The following COL6A6 variants were observed in gnomAD, a reference collection of about 807,000 sequenced individuals.
The protein encoded by COL6A6 is collagen alpha-6(VI) chain.
In COL6A6, 183 loss-of-function variants were observed where a neutral mutation model predicts 208.6. The ratio of observed to expected loss-of-function variants is 0.88; its 90% CI spans 0.78 to 0.99. The LOEUF (loss-of-function observed/expected upper bound fraction) is 0.99, where lower values mean the gene tolerates loss of function less well. COL6A6 is among the 50% of genes least tolerant of loss of function. The pLI, the probability that COL6A6 is intolerant of heterozygous loss-of-function variation, is 0.00. For synonymous variants in COL6A6, 973 were observed against 1,011.8 expected (o/e 0.96, Z 0.73); for missense variants, 2,816 against 2,815.2 (o/e 1.00, Z -0.01).
intron 12 of COL6A6, 39 bp from the exon 13 acceptor site, chr3:130,591,002 C>A (rs772787260): frequency 7.4e-6 from 11 of 1,491,486 alleles, no homozygotes; most frequent in Admixed American, 2.0e-5. Context: ...GATTTTTGGT[C>A]CATAGATGCA....
chr3:130,599,252 CAT>C (rs561926903), intron 19 of COL6A6, among the ~76,000 whole-genome samples: 135 of 152,256 alleles, frequency 8.9e-4, no homozygotes, highest in Non-Finnish European at 1.6e-3. Context: ...ATAGAAGACT[CAT>C]AAATTATTGC....
At chr3:130,575,952 T>C (rs988070400) in intron 8 of COL6A6, among the ~76,000 whole-genome samples, 1 of 152,134 alleles carries the variant, frequency 6.6e-6, no homozygotes, top group Non-Finnish European at 1.5e-5. Context: ...CTTATGCCTT[T>C]CTCAGCCTCT....
At chr3:130,555,340 C>T (rs1202135578) in intron 1 of COL6A6, among the ~76,000 whole-genome samples, 1 of 152,148 alleles carries the variant, frequency 6.6e-6, no homozygotes, top group Non-Finnish European at 1.5e-5. Flanking sequence ...GTGTGGTAGT[C>T]CCATGCGTGG....
intron 23 of COL6A6, among the ~76,000 whole-genome samples, chr3:130,617,297 A>G (rs1406083393): frequency 6.6e-6 from 1 of 152,192 alleles, no homozygotes; most frequent in Non-Finnish European, 1.5e-5. Flanking sequence ...TCATACAAAC[A>G]AACAATTGAC....
intron 20 of COL6A6, among the ~76,000 whole-genome samples, chr3:130,605,476 A>G (rs1011595841): frequency 2.6e-5 from 4 of 151,830 alleles, no homozygotes; most frequent in African/African-American, 9.7e-5. Context: ...CTATTTGTCA[A>G]ATGGAAATAT....
At chr3:130,657,243 G>A (rs760708351) in intron 33 of COL6A6, among the ~76,000 whole-genome samples, 6 of 152,234 alleles carry the variant, frequency 3.9e-5, no homozygotes, top group Non-Finnish European at 7.3e-5. Context: ...ACTGTACTCA[G>A]GTAGCATGAA....
chr3:130,547,657 T>C (rs564379902), intron 1 of COL6A6, among the ~76,000 whole-genome samples: 59 of 152,378 alleles, frequency 3.9e-4, no homozygotes, highest in Non-Finnish European at 6.6e-4. Context: ...CAGGCGTTCA[T>C]GATCTGTTAT....
intron 1 of COL6A6, among the ~76,000 whole-genome samples, chr3:130,522,961 C>A (rs1293177511): frequency 6.6e-6 from 1 of 151,548 alleles, no homozygotes; most frequent in Non-Finnish European, 1.5e-5. Context: ...ACACTTCAGC[C>A]TGAAAACATC....
At chr3:130,651,545 G>A (rs2065646311) in intron 33 of COL6A6, among the ~76,000 whole-genome samples, 1 of 151,862 alleles carries the variant, frequency 6.6e-6, no homozygotes, top group Admixed American at 6.6e-5. Flanking sequence ...AGCTGAAACT[G>A]CTATTATTAA....
At chr3:130,547,504 G>C (rs2062541719) in intron 1 of COL6A6, among the ~76,000 whole-genome samples, 1 of 152,230 alleles carries the variant, frequency 6.6e-6, no homozygotes, top group African/African-American at 2.4e-5. Flanking sequence ...CTAGAGAGGG[G>C]CTCCTATAGT....
chr3:130,578,970 T>G (rs1005170949), intron 8 of COL6A6, among the ~76,000 whole-genome samples: 1 of 152,138 alleles, frequency 6.6e-6, no homozygotes, highest in Non-Finnish European at 1.5e-5. Flanking sequence ...AGGAAGCAAA[T>G]CTGGGAGGTA....
Position 130,566,815 on chromosome 3 carries a change from T to A in COL6A6, c.1396T>A (p.Phe466Ile). Reference protein sequence around the residue: ...KTFLSEVVGMFNIAPHKVRVG... With the variant: ...KTFLSEVVGMINIAPHKVRVG... ...GTTCCTGTCAGAGGTGGTAGGGATGTTCAACATTGCTCCCCATAAGGTGCG... is the reference window on the plus strand; with the variant it reads ...GTTCCTGTCAGAGGTGGTAGGGATGATCAACATTGCTCCCCATAAGGTGCG... The change falls in exon 5 of 37, where the codon TTC (phenylalanine) becomes ATC (isoleucine). Residue 466 changes from phenylalanine to isoleucine, a missense_variant. Physicochemically the swap from Phe to Ile is conservative, Grantham distance 21. Coordinates refer to ENST00000358511, the MANE Select transcript of COL6A6 (RefSeq NM_001102608.3). 6.2e-7 allele frequency: 1 copy of A among 1,613,986 alleles called. No individual in the cohort carries two copies. Among genetic ancestry groups the A allele is most frequent in the Admixed American group, 1.7e-5 (1 of 60,014 alleles).
chr3:130,541,368 A>T (rs1444245902), intron 1 of COL6A6, among the ~76,000 whole-genome samples: 3 of 152,210 alleles, frequency 2.0e-5, no homozygotes, highest in Non-Finnish European at 4.4e-5. Flanking sequence ...TGGATGGACC[A>T]GTGATTCTTT....
At chr3:130,634,063 A>T (rs1378511420) in intron 26 of COL6A6, among the ~76,000 whole-genome samples, 2 of 103,890 alleles carry the variant, frequency 1.9e-5, no homozygotes, top group African/African-American at 1.3e-4. Context: ...AAAAAAAAAA[A>T]AAAAAAAAAA....
chr3:130,642,858 T>C lies in COL6A6; in HGVS notation c.5181T>C (p.Ala1727=). The C allele has an allele frequency of 6.2e-7, 1 of 1,613,978 alleles. No homozygotes were observed. Among genetic ancestry groups the C allele is most frequent in the Non-Finnish European group, 8.5e-7 (1 of 1,179,856 alleles). Residue 1727 remains alanine (A), a synonymous_variant, in exon 30 of 37, where the codon GCT becomes GCC. Coordinates refer to ENST00000358511, the MANE Select transcript of COL6A6 (RefSeq NM_001102608.3). ...RKGVKGAKGL[A]SFSTCELIQY... is the part of the protein sequence containing the mutation. ...GTGTGAAAGGAGCCAAAGGCTTGGC[T>C]TCATTTTCTGTACGTATCTCCCGAC...
intron 1 of COL6A6, among the ~76,000 whole-genome samples, chr3:130,527,890 C>CTTTTTTTTTTTTTTTTTTTTTTTGTTTT (rs2061994241): frequency 1.7e-5 from 1 of 57,814 alleles, no homozygotes; most frequent in African/African-American, 6.1e-5. Context: ...GTTACTTTTC[C>CTTTTTTTTTTTTTTTTTTTTTTTGTTTT]TTTTTTTTTT....
Position 130,661,930 on chromosome 3 carries a change from C to A in COL6A6, c.6124C>A (p.Arg2042Ser), listed in dbSNP as rs375639767. 6.2e-7 allele frequency: 1 copy of A among 1,613,800 alleles called. No individual in the cohort carries two copies. The highest frequency in any genetic ancestry group is 1.7e-5 in the Admixed American group (1 of 59,986). The change falls in exon 35 of 37, where the codon CGC (arginine) becomes AGC (serine). Residue 2042 changes from arginine (R) to serine (S), a missense_variant. By Grantham distance (110) the Arg-to-Ser change is moderately radical. Coordinates refer to ENST00000358511, the MANE Select transcript of COL6A6 (RefSeq NM_001102608.3). ...CAATCTTACCACCTACAGAAGTAAG[C>A]GCCTCATGAAGAGGCATGTGCACGA... is the stretch of plus-strand genomic sequence containing the variant. Reference protein sequence around the residue: ...EFNLTTYRSKRLMKRHVHESV... With the variant: ...EFNLTTYRSKSLMKRHVHESV...
intron 33 of COL6A6, among the ~76,000 whole-genome samples, chr3:130,651,728 C>T (rs1441951570): frequency 6.6e-6 from 1 of 152,238 alleles, no homozygotes; most frequent in Non-Finnish European, 1.5e-5. Flanking sequence ...GTTACATAGT[C>T]CTTGTAATTC....
intron 29 of COL6A6, among the ~76,000 whole-genome samples, chr3:130,642,236 A>G (rs1042618118): frequency 2.9e-5 from 4 of 136,610 alleles, no homozygotes; most frequent in African/African-American, 1.2e-4. Flanking sequence ...AAACTCTGAC[A>G]GATTATATGT....
Sources: gnomAD v4.1 joint callset for allele counts (sites outside exome capture counted in the v4.1 genomes callset) on GRCh38, gnomAD v4.1.1 for gene constraint, MANE v1.5 for transcripts, NCBI Gene and HGNC (gene_info 2026-07-23, HGNC 2026-07-21) for gene names.